Variants in GTF2A1L observed in about 807,000 individuals in gnomAD.
GTF2A1L encodes TFIIA-alpha and beta-like factor.
Under a neutral mutation model 49.7 loss-of-function variants are expected in GTF2A1L, and 48 were observed. The observed-to-expected ratio is 0.97, with a 90% confidence interval of 0.77 to 1.23. The LOEUF (loss-of-function observed/expected upper bound fraction) is 1.23. Among genes scored for constraint, GTF2A1L ranks in the 50% most tolerant of loss-of-function variants. The probability of loss-of-function intolerance (pLI) is 0.00; values close to 1 mark genes in which losing one functional copy is unlikely to be tolerated. For missense variants in GTF2A1L, 736 were observed against 564.8 expected, an observed-to-expected ratio of 1.30 and a Z score of -3.07; for synonymous variants, 246 against 193.5, an observed-to-expected ratio of 1.27 and a Z score of -2.25.
chr2:48,662,692 C>G (rs1320954702), intron 6 of GTF2A1L, among the ~76,000 whole-genome samples: 1 of 149,952 alleles, frequency 6.7e-6, no homozygotes, highest in Non-Finnish European at 1.5e-5. Context: ...AATATATCAT[C>G]CCACTGCCTT....
At chr2:48,644,215 C>A (rs1278482945) in intron 4 of GTF2A1L, among the ~76,000 whole-genome samples, 1 of 152,110 alleles carries the variant, frequency 6.6e-6, no homozygotes, top group Non-Finnish European at 1.5e-5. Flanking sequence ...ATAAAGAGTT[C>A]TGTAGTCTTA....
chr2:48,645,791 G>A (rs1677464500), intron 5 of GTF2A1L, among the ~76,000 whole-genome samples: 1 of 152,166 alleles, frequency 6.6e-6, no homozygotes, highest in Non-Finnish European at 1.5e-5. Context: ...TGGGACTACA[G>A]GCGCCGGCCA....
intron 3 of GTF2A1L, among the ~76,000 whole-genome samples, chr2:48,628,728 CACTT>C (rs888322935): frequency 7.0e-6 from 1 of 143,880 alleles, no homozygotes; most frequent in Admixed American, 7.0e-5. Flanking sequence ...AATTAGGTCT[CACTT>C]GTCAATTTTG....
chr2:48,654,493 C>T (rs1678057547), intron 6 of GTF2A1L, among the ~76,000 whole-genome samples: 1 of 152,040 alleles, frequency 6.6e-6, no homozygotes, highest in Non-Finnish European at 1.5e-5. Context: ...AGCGATTCTC[C>T]TGTCTCAGTC....
chr2:48,622,618 C>G (rs1398864584), intron 3 of GTF2A1L, among the ~76,000 whole-genome samples: 1 of 152,004 alleles, frequency 6.6e-6, no homozygotes, highest in African/African-American at 2.4e-5. Flanking sequence ...GTCAGGAGTT[C>G]TAGACCAGCC....
chr2:48,679,334 G>A lies in GTF2A1L; in HGVS notation c.1330-1G>A. The A allele has an allele frequency of 1.2e-6, 2 of 1,607,660 alleles. No individual in the cohort carries two copies. The highest frequency in any genetic ancestry group is 2.2e-5 in the East Asian group (1 of 44,734). On this transcript the variant is annotated splice_acceptor_variant, in intron 8 of 8. Coordinates refer to ENST00000403751, the MANE Select transcript of GTF2A1L (RefSeq NM_006872.5). LOFTEE classifies it high-confidence loss of function. The stretch of plus-strand genomic sequence containing the variant: ...AATGTAAACTACTTTTCTCCCTCCA[G>A]ATTCATCGAAGCAAGAACAAATGGA...
intron 7 of GTF2A1L, among the ~76,000 whole-genome samples, chr2:48,670,767 G>C (rs574023083): frequency 3.3e-5 from 5 of 152,238 alleles, no homozygotes; most frequent in African/African-American, 9.6e-5. Context: ...GATATGGAGA[G>C]TTTTAGTAAC....
chr2:48,634,962 C>T (rs1460566601), intron 3 of GTF2A1L, among the ~76,000 whole-genome samples: 1 of 152,170 alleles, frequency 6.6e-6, no homozygotes, highest in Non-Finnish European at 1.5e-5. Context: ...ATCCAGTGGG[C>T]AGCCACCAGG....
chr2:48,619,955 A>T (rs1392019296), intron 1 of GTF2A1L, among the ~76,000 whole-genome samples: 2 of 152,298 alleles, frequency 1.3e-5, no homozygotes. Context: ...CTGGTAGGAA[A>T]TCCGTTTTGG....
chr2:48,675,786 G>A (rs1202306534), intron 8 of GTF2A1L, among the ~76,000 whole-genome samples: 4 of 151,774 alleles, frequency 2.6e-5, no homozygotes, highest in Non-Finnish European at 5.9e-5. Flanking sequence ...GCTATACAAT[G>A]ATTAATTTCT....
At chr2:48,625,763 T>G (rs1417110898) in intron 3 of GTF2A1L, among the ~76,000 whole-genome samples, 1 of 142,854 alleles carries the variant, frequency 7.0e-6, no homozygotes, top group African/African-American at 2.5e-5. Context: ...TCACATTTTT[T>G]GTAGAGACCA....
At chr2:48,632,902 C>A in intron 3 of GTF2A1L, 2 of 253,254 alleles carry the variant, frequency 7.9e-6, no homozygotes, top group South Asian at 1.0e-4. Flanking sequence ...TATACAGGGT[C>A]ACACCATCCT....
At chr2:48,635,439 G>A (rs901207614) in intron 3 of GTF2A1L, among the ~76,000 whole-genome samples, 3 of 151,920 alleles carry the variant, frequency 2.0e-5, no homozygotes, top group African/African-American at 7.3e-5. Flanking sequence ...ATTTCTGCTT[G>A]GGGGGTGGAG....
chr2:48,676,322 C>T (rs570078845), intron 8 of GTF2A1L, among the ~76,000 whole-genome samples: 5 of 151,790 alleles, frequency 3.3e-5, no homozygotes, highest in Non-Finnish European at 7.4e-5. Context: ...GTATATAAGA[C>T]ATTTTCATAA....
At chr2:48,639,411 T>G (rs1455632767) in intron 3 of GTF2A1L, among the ~76,000 whole-genome samples, 1 of 152,206 alleles carries the variant, frequency 6.6e-6, no homozygotes, top group Non-Finnish European at 1.5e-5. Context: ...TGTAGCCATC[T>G]GACCTTTGAC....
chr2:48,674,849 A>G (rs1348951676), intron 8 of GTF2A1L, among the ~76,000 whole-genome samples: 4 of 152,072 alleles, frequency 2.6e-5, no homozygotes, highest in Non-Finnish European at 5.9e-5. Flanking sequence ...TTAAATATAC[A>G]CTGCTAACAA....
chr2:48,633,060 TTTGA>T, intron 3 of GTF2A1L: 1 of 253,030 alleles, frequency 4.0e-6, no homozygotes, highest in Non-Finnish European at 8.1e-6. Context: ...CATGTTGGCC[TTTGA>T]TTGATTTTAT....
At chr2:48,671,471 TG>T in intron 7 of GTF2A1L, 119 bp from the exon 8 acceptor site, 1 of 995,762 alleles carries the variant, frequency 1.0e-6, no homozygotes, top group Non-Finnish European at 1.4e-6. Context: ...CCCGTAGTGC[TG>T]GGATTATAGG....
chr2:48,677,670 A>G (rs1679544090), intron 8 of GTF2A1L, among the ~76,000 whole-genome samples: 1 of 151,994 alleles, frequency 6.6e-6, no homozygotes, highest in African/African-American at 2.4e-5. Flanking sequence ...TTGTCAGGGA[A>G]CAAGGGTAAA....
Sources: gnomAD v4.1 joint callset for allele counts (sites outside exome capture counted in the v4.1 genomes callset) on GRCh38, gnomAD v4.1.1 for gene constraint, MANE v1.5 for transcripts, NCBI Gene and HGNC (gene_info 2026-07-23, HGNC 2026-07-21) for gene names.